Variants in ULBP2 observed in about 807,000 individuals in gnomAD.
ULBP2 encodes the protein UL16-binding protein 2.
A neutral mutation model predicts 23.6 loss-of-function variants in ULBP2; 21 were observed. That is an observed-to-expected ratio of 0.89 (90% CI 0.63 to 1.28). The LOEUF is 1.28. Among genes scored for constraint, ULBP2 ranks in the 50% most tolerant of loss-of-function variants. ULBP2 has a pLI of 0.00. For missense variants in ULBP2, 251 were observed against 306.0 expected, an observed-to-expected ratio of 0.82 and a Z score of 1.34; for synonymous variants, 82 against 112.8, an observed-to-expected ratio of 0.73 and a Z score of 1.73.
Position 149,942,045 on chromosome 6 carries a change from CTCTCA to C in ULBP2, c.-25_-21del. The C allele has an allele frequency of 6.2e-7, 1 of 1,607,484 alleles. No individual in the cohort carries two copies. The highest frequency in any genetic ancestry group is 8.5e-7 in the Non-Finnish European group (1 of 1,176,544). ...CTTCCAGGCTCTCCTTCCATCAAGT[CTCTCA>C]TCCCTAGCGCTCTGGGTCCTTAATG... On this transcript the variant is annotated 5_prime_UTR_variant, in exon 1 of 5. Transcript: ENST00000367351.
intron 1 of ULBP2, among the ~76,000 whole-genome samples, chr6:149,942,668 C>G (rs1217243130): frequency 6.6e-6 from 1 of 152,148 alleles, no homozygotes; most frequent in East Asian, 1.9e-4. Flanking sequence ...TAGACACTCA[C>G]CTGCACCCAG....
rs774206339 is a variant in ULBP2, at chr6:149,946,383, C to A, written c.361C>A (p.Leu121Met). The A allele has an allele frequency of 1.9e-6, 3 of 1,613,252 alleles. No homozygotes were observed. The highest frequency in any genetic ancestry group is 2.7e-5 in the African/African-American group (2 of 74,848). Residue 121 changes from leucine to methionine, a missense_variant, in exon 3 of 5, where the codon CTG (leucine) becomes ATG (methionine). Coordinates refer to ENST00000367351, the MANE Select transcript of ULBP2 (RefSeq NM_025217.4). ...ENYTPKEPLT[L>M]QARMSCEQKA... ...TCTGATGGGGGCAGAACCCCTCACCCTGCAGGCAAGGATGTCTTGTGAGCA... is the reference window on the plus strand; with the variant it reads ...TCTGATGGGGGCAGAACCCCTCACCATGCAGGCAAGGATGTCTTGTGAGCA...
At chr6:149,943,837 C>T (rs1778898667) in intron 1 of ULBP2, among the ~76,000 whole-genome samples, 1 of 151,984 alleles carries the variant, frequency 6.6e-6, no homozygotes, top group African/African-American at 2.4e-5. Flanking sequence ...TGTGATTCTC[C>T]AATTAGACAT....
Position 149,945,554 on chromosome 6 carries a change from G to T in ULBP2, c.331G>T (p.Glu111Ter), listed in dbSNP as rs1281192948. The T allele has an allele frequency of 6.2e-7, 1 of 1,613,898 alleles. No homozygotes were observed. ...LTEQLRDIQL[E>*]NYTPKEPLTL... is the part of the protein sequence containing the mutation. ...AGAGCAACTGCGTGACATTCAGCTG[G>T]AGAATTACACACCCAAGGGTAAGTT... is the stretch of plus-strand genomic sequence containing the variant. The change falls in exon 2 of 5, where the codon GAG becomes TAG. Residue 111 changes from glutamate (E) to a stop codon, truncating the protein, a stop_gained. Coordinates refer to ENST00000367351, the MANE Select transcript of ULBP2 (RefSeq NM_025217.4). LOFTEE classifies it high-confidence loss of function.
rs1778942731 is a variant in ULBP2, at chr6:149,946,460, G to A, written c.438G>A (p.Gln146=). The A allele has an allele frequency of 1.2e-6, 2 of 1,614,076 alleles. No homozygotes were observed. Among genetic ancestry groups the A allele is most frequent in the African/African-American group, 2.7e-5 (2 of 74,908 alleles). ...SGSWQFSFDG[Q]IFLLFDSEKR... is the part of the protein sequence containing the mutation. ...CTTGGCAGTTCAGTTTCGATGGGCA[G>A]ATCTTCCTCCTCTTTGACTCAGAGA... Residue 146 remains glutamine (Q), a synonymous_variant, in exon 3 of 5, where the codon CAG becomes CAA. Coordinates refer to ENST00000367351, the MANE Select transcript of ULBP2 (RefSeq NM_025217.4).
At chr6:149,944,334 T>A (rs74448273) in intron 1 of ULBP2, among the ~76,000 whole-genome samples, 8,526 of 151,650 alleles carry the variant, frequency 0.056, 539 homozygotes, top group East Asian at 0.34. Flanking sequence ...CTATGAGCCA[T>A]GGGCATAACT....
chr6:149,942,227 C>A, intron 1 of ULBP2, 70 bp downstream of exon 1: 1 of 1,518,362 alleles, frequency 6.6e-7, no homozygotes, highest in Non-Finnish European at 8.9e-7. Context: ...CCGCGGGTTT[C>A]AGAGGAGGGG....
chr6:149,944,553 AT>A (rs1462396872), intron 1 of ULBP2, among the ~76,000 whole-genome samples: 2 of 135,650 alleles, frequency 1.5e-5, no homozygotes, highest in African/African-American at 6.2e-5. Context: ...GCTTCATTCC[AT>A]TCTGGTGCCT....
intron 1 of ULBP2, among the ~76,000 whole-genome samples, chr6:149,943,112 C>T (rs1336635754): frequency 6.6e-6 from 1 of 152,186 alleles, no homozygotes; most frequent in Non-Finnish European, 1.5e-5. Flanking sequence ...TTCTCCGTCT[C>T]AGTGTCCAGT....
chr6:149,948,668 G>A (rs1166669124), intron 4 of ULBP2, 55 bp from the exon 5 acceptor site: 4 of 456,558 alleles, frequency 8.8e-6, no homozygotes, highest in South Asian at 6.2e-5. Flanking sequence ...GATTACCCTG[G>A]AAAAGTGATC....
chr6:149,946,263 G>T, intron 2 of ULBP2, 109 bp from the exon 3 acceptor site: 12 of 1,407,118 alleles, frequency 8.5e-6, no homozygotes, highest in Non-Finnish European at 1.2e-5. Context: ...GAGTCTAGAG[G>T]CAAGGCCAAG....
chr6:149,943,890 A>C (rs1356191205), intron 1 of ULBP2, among the ~76,000 whole-genome samples: 1 of 151,974 alleles, frequency 6.6e-6, no homozygotes, highest in Non-Finnish European at 1.5e-5. Flanking sequence ...GTCTTGGGTC[A>C]TTGGGCACTT....
chr6:149,946,269 C>T (rs1247904998), intron 2 of ULBP2, 103 bp from the exon 3 acceptor site: 5 of 1,439,112 alleles, frequency 3.5e-6, no homozygotes, highest in East Asian at 2.3e-5. Flanking sequence ...AGAGGCAAGG[C>T]CAAGATGTAG....
intron 3 of ULBP2, 58 bp downstream of exon 3, chr6:149,946,711 A>AAGTT (rs1436893029): frequency 1.2e-6 from 2 of 1,600,284 alleles, no homozygotes; most frequent in Non-Finnish European, 1.7e-6. Context: ...TGACCTCAAG[A>AAGTT]AGTTAGTTCT....
rs1778924451 is a variant in ULBP2 at position 149,945,523 on chromosome 6, A to T, written c.300A>T (p.Ile100=). 6.2e-7 allele frequency: 1 copy of T among 1,614,056 alleles called. No homozygotes were observed. Among genetic ancestry groups the T allele is most frequent in the Admixed American group, 1.7e-5 (1 of 60,026 alleles). Residue 100 remains isoleucine (I), a synonymous_variant, in exon 2 of 5, where the codon ATA becomes ATT. Coordinates refer to ENST00000367351, the MANE Select transcript of ULBP2 (RefSeq NM_025217.4). ...QNPVLREVVD[I]LTEQLRDIQL... Reference sequence around the variant, plus strand: ...CAGTACTGAGAGAGGTGGTGGACATACTTACAGAGCAACTGCGTGACATTC... The same window carrying T: ...CAGTACTGAGAGAGGTGGTGGACATTCTTACAGAGCAACTGCGTGACATTC...
intron 1 of ULBP2, among the ~76,000 whole-genome samples, chr6:149,945,069 G>C (rs3823022): frequency 1.4e-5 from 2 of 147,610 alleles, no homozygotes; most frequent in Non-Finnish European, 3.0e-5. Context: ...GGGGCAGTGG[G>C]ACATGTCTGG....
At chr6:149,942,282 G>C in intron 1 of ULBP2, 125 bp downstream of exon 1, 1 of 1,013,212 alleles carries the variant, frequency 9.9e-7, no homozygotes, top group Non-Finnish European at 1.4e-6. Flanking sequence ...CTGCGCCCCC[G>C]TTCAGTTCCG....
chr6:149,946,688 T>C (rs114849630), intron 3 of ULBP2, 35 bp downstream of exon 3: 3 of 1,608,094 alleles, frequency 1.9e-6, no homozygotes, highest in Non-Finnish European at 8.5e-7. Context: ...ATCTCAAATG[T>C]GATCAGAAAT....
At chr6:149,942,416 C>G (rs1040098899) in intron 1 of ULBP2, among the ~76,000 whole-genome samples, 22 of 152,056 alleles carry the variant, frequency 1.4e-4, no homozygotes, top group Non-Finnish European at 2.8e-4. Context: ...CTGCAGAGAG[C>G]GAGGTGGGGC....
Sources: gnomAD v4.1 joint callset for allele counts (sites outside exome capture counted in the v4.1 genomes callset) on GRCh38, gnomAD v4.1.1 for gene constraint, MANE v1.5 for transcripts, NCBI Gene and HGNC (gene_info 2026-07-23, HGNC 2026-07-21) for gene names.